The following RCL1 variants were observed in gnomAD, a reference collection of about 807,000 sequenced individuals.
The protein encoded by RCL1 is RNA terminal phosphate cyclase like 1.
A neutral mutation model predicts 42.4 loss-of-function variants in RCL1; 24 were observed. That is an observed-to-expected ratio of 0.57 (90% CI 0.41 to 0.80). RCL1 has a LOEUF of 0.80. Ranked by LOEUF, RCL1 falls within the 30% of genes least tolerant of loss-of-function variation. The pLI is 0.00. For synonymous variants in RCL1, 228 were observed against 177.3 expected, an observed-to-expected ratio of 1.29 and a Z score of -2.27; for missense variants, 578 against 467.9, an observed-to-expected ratio of 1.24 and a Z score of -2.17.
rs150540438 is a variant in RCL1 at position 4,823,680 on chromosome 9, T to C, written c.208+61T>C. ...GCACTAAAGCATTCCTGTTTCTCAC[T>C]CTTTTTTTTCTTTCCTTTTTTTTTC... On this transcript the variant is annotated intron_variant, in intron 2 of 8. Transcript: ENST00000381750. 4.5e-4 allele frequency: 527 copies of C among 1,161,916 alleles called. 7 individuals are homozygous for C. The African/African-American group carries it at 7.4e-3, about 16-fold the overall frequency. The allele number at this position is 1,161,916 out of a possible 1,614,324, so 72.0% of individuals were successfully genotyped here. A position where few individuals can be genotyped will look rare whatever the true frequency, so the allele number is the denominator to read the frequency against.
At chr9:4,796,484 C>G (rs1019431807) in intron 1 of RCL1, among the ~76,000 whole-genome samples, 1 of 152,160 alleles carries the variant, frequency 6.6e-6, no homozygotes, top group Admixed American at 6.5e-5. Flanking sequence ...TAGCCTCAAC[C>G]TCTTGGGCTC....
At chr9:4,794,758 T>C (rs10974787) in intron 1 of RCL1, among the ~76,000 whole-genome samples, 25,777 of 152,096 alleles carry the variant, frequency 0.17, 2,395 homozygotes, top group South Asian at 0.34. Context: ...TAATATTTAA[T>C]GTTCCAAAGT....
chr9:4,816,932 T>A (rs1408976951), intron 1 of RCL1, among the ~76,000 whole-genome samples: 1 of 152,192 alleles, frequency 6.6e-6, no homozygotes, highest in Non-Finnish European at 1.5e-5. Flanking sequence ...TTCTCCTGCC[T>A]CAGCCTCCCA....
chr9:4,853,324 CT>C (rs33973400), intron 8 of RCL1, among the ~76,000 whole-genome samples: 40,325 of 134,742 alleles, frequency 0.3, 5,285 homozygotes, highest in Non-Finnish European at 0.34. Context: ...CCACTGTGCT[CT>C]TTTTTTTTTT....
At chr9:4,804,774 A>T (rs908809507) in intron 1 of RCL1, 1 of 181,820 alleles carries the variant, frequency 5.5e-6, no homozygotes, top group Non-Finnish European at 1.2e-5. Context: ...CTCCTGCCGG[A>T]GCAGCGAATT....
chr9:4,842,083 A>G (rs1438016475), intron 6 of RCL1, among the ~76,000 whole-genome samples: 1 of 152,206 alleles, frequency 6.6e-6, no homozygotes, highest in Non-Finnish European at 1.5e-5. Context: ...TTAACGATAA[A>G]TATTTTGCCA....
At chr9:4,839,811 C>G (rs1050856783) in intron 5 of RCL1, 11 of 975,476 alleles carry the variant, frequency 1.1e-5, no homozygotes, top group Admixed American at 6.2e-5. Flanking sequence ...AGTGTGTGGT[C>G]TCATTGAAGA....
rs879031460 is a variant in RCL1, at chr9:4,834,243, A to G, written c.562A>G (p.Ile188Val). The change falls in exon 5 of 9, where the codon ATC (isoleucine) becomes GTC (valine). Residue 188 changes from isoleucine (I) to valine (V), a missense_variant. By Grantham distance (29) the Ile-to-Val change is conservative. Coordinates refer to ENST00000381750, the MANE Select transcript of RCL1 (RefSeq NM_005772.5). ...CATTCAACTCACAGATCCAGGAAAA[A>G]TCAAACGTATTAGAGGAATGGCGTA... ...KPIQLTDPGK[I>V]KRIRGMAYSV... 3.7e-6 allele frequency: 6 copies of G among 1,613,094 alleles called. No individual in the cohort carries two copies. The Admixed American group carries it at 6.7e-5, about 18-fold the overall frequency.
chr9:4,812,981 G>C (rs556386494), intron 1 of RCL1, among the ~76,000 whole-genome samples: 15 of 152,208 alleles, frequency 9.9e-5, no homozygotes, highest in Non-Finnish European at 2.1e-4. Context: ...TACTTTAAGA[G>C]TTTTCTATAT....
At chr9:4,799,376 C>T (rs1842962872) in intron 1 of RCL1, among the ~76,000 whole-genome samples, 1 of 152,094 alleles carries the variant, frequency 6.6e-6, no homozygotes, top group South Asian at 2.1e-4. Flanking sequence ...ATAAATAATG[C>T]AGAAAGATCC....
chr9:4,821,439 T>G (rs1816593399), intron 1 of RCL1, among the ~76,000 whole-genome samples: 1 of 152,174 alleles, frequency 6.6e-6, no homozygotes, highest in Non-Finnish European at 1.5e-5. Context: ...AATGGCATCT[T>G]AATCCATTTC....
intron 4 of RCL1, 39 bp downstream of exon 4, chr9:4,833,267 A>G (rs1346668810): frequency 2.7e-6 from 4 of 1,485,522 alleles, no homozygotes; most frequent in East Asian, 2.3e-5. Flanking sequence ...GTTCCTGTGG[A>G]AAACATTTTC....
chr9:4,839,953 C>A, intron 5 of RCL1: 1 of 973,762 alleles, frequency 1.0e-6, no homozygotes, highest in Non-Finnish European at 1.2e-6. Flanking sequence ...CAAAGCAGCT[C>A]AGGTTGAGGA....
intron 6 of RCL1, among the ~76,000 whole-genome samples, chr9:4,841,650 C>G (rs185363465): frequency 4.7e-4 from 72 of 152,304 alleles, no homozygotes; most frequent in African/African-American, 1.6e-3. Context: ...CATCTGCACT[C>G]TGTTCCAACA....
chr9:4,831,192 G>T (rs1195117462), intron 3 of RCL1, among the ~76,000 whole-genome samples: 2 of 152,138 alleles, frequency 1.3e-5, no homozygotes, highest in African/African-American at 4.8e-5. Context: ...GTGATAAAGG[G>T]ACAGGACTAC....
rs554119515 is a variant in RCL1, at chr9:4,850,820, A to G, written c.971+1270A>G. Among the ~76,000 whole-genome samples, 14 of 152,194 alleles carry G rather than the reference A, an allele frequency of 9.2e-5. No homozygotes were observed. In the East Asian group the frequency reaches 2.7e-3, roughly 30 times the overall value. ...AGAGAGCTCACTGGAGGCGGCTGCC[A>G]GCTGTGTGGCCACTGTGGCCCCACC... On this transcript the variant is annotated intron_variant, in intron 8 of 8. Transcript: ENST00000381750.
At position 4,806,858 on chromosome 9, in the gene RCL1, A is replaced by T. The variant is rs566639157; in HGVS notation, c.136+13631A>T. On this transcript the variant is annotated intron_variant, in intron 1 of 8. Transcript: ENST00000381750. The stretch of plus-strand genomic sequence containing the variant: ...TTTAATTCTTTAAATGTTTGGCAGA[A>T]TTTCATATGGGCCAAGAGATTTCTT... Among the ~76,000 whole-genome samples the T allele has an allele frequency of 2.0e-5, 3 of 152,194 alleles. No individual in the cohort carries two copies. The East Asian group carries it at 5.8e-4, about 29-fold the overall frequency.
intron 1 of RCL1, among the ~76,000 whole-genome samples, chr9:4,821,016 C>T (rs1215488856): frequency 6.6e-6 from 1 of 152,000 alleles, no homozygotes; most frequent in Non-Finnish European, 1.5e-5. Flanking sequence ...CTATAAGATC[C>T]TTCAAGAGAT....
At chr9:4,849,050 T>G (rs1053674203) in intron 7 of RCL1, among the ~76,000 whole-genome samples, 25 of 152,212 alleles carry the variant, frequency 1.6e-4, no homozygotes, top group African/African-American at 4.6e-4. Context: ...CGTCATCCAC[T>G]TAACCCTTGG....
Sources: allele counts gnomAD v4.1 joint callset (sites outside exome capture counted in the v4.1 genomes callset), GRCh38; gene constraint gnomAD v4.1.1; transcripts MANE v1.5; gene names NCBI Gene and HGNC (gene_info 2026-07-23, HGNC 2026-07-21).